The following MCC variants were observed in gnomAD, a reference collection of about 807,000 sequenced individuals.
MCC encodes the protein MCC regulator of Wnt signaling pathway.
A neutral mutation model predicts 116.2 loss-of-function variants in MCC; 90 were observed. The observed-to-expected ratio is 0.77, with a 90% CI of 0.65 to 0.92. The LOEUF (loss-of-function observed/expected upper bound fraction) is 0.92, where lower values mean the gene tolerates loss of function less well. Ranked by LOEUF, MCC falls within the 40% of genes least tolerant of loss-of-function variation. MCC has a pLI of 0.00. For synonymous variants in MCC, 578 were observed against 510.5 expected (o/e 1.13, Z -1.78); for missense variants, 1,516 against 1,312.2 (o/e 1.16, Z -2.40).
intron 3 of MCC, among the ~76,000 whole-genome samples, chr5:113,270,061 T>C (rs933066343): frequency 2.0e-5 from 3 of 152,202 alleles, no homozygotes; most frequent in Admixed American, 1.3e-4. Context: ...TAACATTACT[T>C]TCTTTCATTT....
At chr5:113,412,646 G>C (rs1272243630) in intron 1 of MCC, among the ~76,000 whole-genome samples, 1 of 152,174 alleles carries the variant, frequency 6.6e-6, no homozygotes, top group Non-Finnish European at 1.5e-5. Flanking sequence ...TGCTGAAGTT[G>C]CTTATCAGCT....
At chr5:113,444,580 G>A (rs975220281) in intron 1 of MCC, among the ~76,000 whole-genome samples, 2 of 152,160 alleles carry the variant, frequency 1.3e-5, no homozygotes, top group African/African-American at 4.8e-5. Flanking sequence ...TAAGGGAAGG[G>A]TAGATCGCCA....
In MCC at chr5:113,064,158, G is replaced by A. The variant is rs760495893; in HGVS notation, c.2039C>T (p.Ser680Leu). 1.6e-5 allele frequency: 25 copies of A among 1,610,612 alleles called. No homozygotes were observed. Among genetic ancestry groups the A allele is most frequent in the South Asian group, 1.3e-4 (12 of 90,552 alleles). ...CATCTGAGTGATGTTTTCATCCCCC[G>A]ACTGGTCTCCTATGTGGCAGAGAAG... ...AGVGSSPGDQ[S>L]GDENITQMLK... The change falls in exon 14 of 19, where the codon TCG (serine) becomes TTG (leucine). Residue 680 changes from serine (S) to leucine (L), a missense_variant. Transcript: ENST00000408903.
At chr5:113,344,165 G>A (rs1167760528) in intron 2 of MCC, among the ~76,000 whole-genome samples, 1 of 152,184 alleles carries the variant, frequency 6.6e-6, no homozygotes, top group Non-Finnish European at 1.5e-5. Context: ...TGAACTCAGT[G>A]CTGCCCTGTC....
rs371004683 is a variant in MCC, at chr5:113,333,833, ATG to A, written c.627+6684_627+6685del. 1.3e-3 allele frequency among the ~76,000 whole-genome samples: 114 copies of A among 88,456 alleles called. 11 individuals carry two copies. Among genetic ancestry groups the A allele is most frequent in the Non-Finnish European group, 2.2e-3 (88 of 39,202 alleles). The allele number at this position is 88,456 out of a possible 152,430, so 58.0% of individuals were successfully genotyped here. On this transcript the variant is annotated intron_variant, in intron 3 of 18. Coordinates refer to ENST00000408903, the MANE Select transcript of MCC (RefSeq NM_001085377.2). Reference sequence around the variant, plus strand: ...TGTATATATGTACATATATGTATATATGTATATATGTATATATGTACATATAT... The same window carrying A: ...TGTATATATGTACATATATGTATATATATATATGTATATATGTACATATAT...
At chr5:113,231,468 A>C (rs1307781888) in intron 3 of MCC, among the ~76,000 whole-genome samples, 1 of 152,194 alleles carries the variant, frequency 6.6e-6, no homozygotes, top group Non-Finnish European at 1.5e-5. Context: ...GAGACCTGCT[A>C]TTTAGCCAGA....
intron 5 of MCC, among the ~76,000 whole-genome samples, chr5:113,133,193 A>C (rs1052350261): frequency 6.6e-6 from 1 of 152,276 alleles, no homozygotes; most frequent in Non-Finnish European, 1.5e-5. Flanking sequence ...ATTATAAAAT[A>C]TTATAGTCAC....
intron 3 of MCC, among the ~76,000 whole-genome samples, chr5:113,329,055 A>G (rs1287052507): frequency 1.3e-5 from 2 of 152,192 alleles, no homozygotes; most frequent in African/African-American, 2.4e-5. Flanking sequence ...TCACTTTTTC[A>G]TGCCAGGCAA....
In MCC at chr5:113,488,234, T is replaced by G; in HGVS notation, c.170+11A>C. On this transcript the variant is annotated intron_variant, in intron 1 of 18. Transcript: ENST00000408903. ...TCGCTCCTGTCGGTTTCCTCGTACC[T>G]CCCCGCGTACCTGCTGATGTATCCG... 6.3e-7 allele frequency: 1 copy of G among 1,583,400 alleles called. No individual in the cohort carries two copies. The highest frequency in any genetic ancestry group is 8.6e-7 in the Non-Finnish European group (1 of 1,166,232).
chr5:113,057,586 C>G (rs1040336046), intron 14 of MCC, among the ~76,000 whole-genome samples: 1 of 152,210 alleles, frequency 6.6e-6, no homozygotes, highest in African/African-American at 2.4e-5. Context: ...CTCAAGGGAA[C>G]TGCAAAGAGA....
chr5:113,406,988 T>G (rs185298617), intron 1 of MCC, among the ~76,000 whole-genome samples: 3 of 152,198 alleles, frequency 2.0e-5, no homozygotes, highest in African/African-American at 7.2e-5. Flanking sequence ...TTTATATACT[T>G]AGTGAGAACA....
chr5:113,297,749 C>CAA (rs57148050), intron 3 of MCC, among the ~76,000 whole-genome samples: 1,421 of 60,284 alleles, frequency 0.024, 57 homozygotes, highest in Middle Eastern at 0.05. Context: ...GACTCTGTCT[C>CAA]AAAAAAAAAA....
chr5:113,068,644 A>G (rs1753798672), intron 12 of MCC, among the ~76,000 whole-genome samples: 1 of 152,056 alleles, frequency 6.6e-6, no homozygotes, highest in Admixed American at 6.5e-5. Context: ...CATCTTGGTC[A>G]CTCTCTCTCA....
intron 3 of MCC, among the ~76,000 whole-genome samples, chr5:113,154,571 A>G (rs1389556808): frequency 3.9e-5 from 6 of 152,218 alleles, no homozygotes; most frequent in Non-Finnish European, 7.3e-5. Flanking sequence ...CATCAACTCA[A>G]GTCATCAAAA....
chr5:113,053,843 A>G lies in MCC; in HGVS notation c.2330T>C (p.Met777Thr), dbSNP rs779743015. ...GATGTGGATGCTTTCCAGCTCCAGC[A>G]TGGTCAGCTTGACCGCAGCCCTGTC... ...KNDRAAVKLT[M>T]LELESIHIDP... The change falls in exon 15 of 19, where the codon ATG becomes ACG. Residue 777 changes from methionine to threonine, a missense_variant. Physicochemically the swap from Met to Thr is moderately conservative, Grantham distance 81. Transcript: ENST00000408903. The G allele has an allele frequency of 6.2e-7, 1 of 1,614,126 alleles. No individual in the cohort carries two copies.
chr5:113,112,119 A>C (rs1757134282), intron 6 of MCC, among the ~76,000 whole-genome samples: 1 of 152,166 alleles, frequency 6.6e-6, no homozygotes, highest in Non-Finnish European at 1.5e-5. Context: ...CTTTGCTCCA[A>C]AGTATGGTCC....
chr5:113,391,433 G>C (rs1003178716), intron 1 of MCC, among the ~76,000 whole-genome samples: 4 of 152,114 alleles, frequency 2.6e-5, no homozygotes, highest in Non-Finnish European at 5.9e-5. Flanking sequence ...TGGTAATCAG[G>C]GTTGGGCATA....
intron 6 of MCC, among the ~76,000 whole-genome samples, chr5:113,108,932 C>G (rs1295930333): frequency 6.6e-6 from 1 of 152,170 alleles, no homozygotes; most frequent in Non-Finnish European, 1.5e-5. Flanking sequence ...ACTTGACTGT[C>G]CATTGCTATT....
Position 113,354,988 on chromosome 5 carries a change from A to C in MCC, c.416-14258T>G, listed in dbSNP as rs138985598. Among the ~76,000 whole-genome samples, 750 of 152,196 alleles carry C rather than the reference A, an allele frequency of 4.9e-3. 7 individuals carry two copies. Among genetic ancestry groups the C allele is most frequent in the African/African-American group, 0.017 (714 of 41,540 alleles). ...TGTATATATGTATGTATACACATAT[A>C]TATGATATAGATATGTGTATGCAGA... On this transcript the variant is annotated intron_variant, in intron 2 of 18. Transcript: ENST00000408903.
Sources: allele counts gnomAD v4.1 joint callset (sites outside exome capture counted in the v4.1 genomes callset), GRCh38; gene constraint gnomAD v4.1.1; transcripts MANE v1.5; gene names NCBI Gene and HGNC (gene_info 2026-07-23, HGNC 2026-07-21).